The following PVT1 variants were observed in gnomAD, a reference collection of about 807,000 sequenced individuals.
The protein encoded by PVT1 is CXCR4/PVT1 fusion.
At chr8:128,058,493 G>A (rs1447736511) in intron 4 of PVT1, among the ~76,000 whole-genome samples, 2 of 151,996 alleles carry the variant, frequency 1.3e-5, no homozygotes, top group Admixed American at 1.3e-4. Flanking sequence ...ACATCATCAT[G>A]TGTACTTCTA....
intron 2 of PVT1, among the ~76,000 whole-genome samples, chr8:127,882,241 C>G (rs1225627354): frequency 6.6e-6 from 1 of 152,096 alleles, no homozygotes; most frequent in Non-Finnish European, 1.5e-5. Flanking sequence ...GCAGCTGATC[C>G]ATGTCATCCC....
chr8:127,815,557 T>G (rs1814650767), intron 2 of PVT1, among the ~76,000 whole-genome samples: 1 of 152,112 alleles, frequency 6.6e-6, no homozygotes, highest in Non-Finnish European at 1.5e-5. Context: ...GGCAGCTTGA[T>G]CAGGTAGATG....
At chr8:128,016,139 G>A (rs1046054454) in intron 4 of PVT1, among the ~76,000 whole-genome samples, 1 of 152,144 alleles carries the variant, frequency 6.6e-6, no homozygotes. Context: ...TTAGCCACGT[G>A]TGGTGGCACA....
chr8:128,007,627 T>C (rs1357692554), intron 4 of PVT1, among the ~76,000 whole-genome samples: 1 of 152,230 alleles, frequency 6.6e-6, no homozygotes, highest in African/African-American at 2.4e-5. Context: ...GGGTATGTAC[T>C]TCCTGTTAAC....
At chr8:127,895,315 A>G (rs1815661891) in intron 3 of PVT1, among the ~76,000 whole-genome samples, 1 of 152,154 alleles carries the variant, frequency 6.6e-6, no homozygotes, top group South Asian at 2.1e-4. Flanking sequence ...TACTAAAAAT[A>G]GAAAAATTAG....
At chr8:127,931,934 C>T (rs190760751) in intron 3 of PVT1, among the ~76,000 whole-genome samples, 19 of 152,376 alleles carry the variant, frequency 1.2e-4, no homozygotes, top group Admixed American at 3.3e-4. Flanking sequence ...CCTCGCTTGG[C>T]GCTGTGTGAC....
chr8:127,846,357 C>G (rs965670369), intron 2 of PVT1, among the ~76,000 whole-genome samples: 1 of 152,184 alleles, frequency 6.6e-6, no homozygotes, highest in African/African-American at 2.4e-5. Flanking sequence ...GGCACCTTTC[C>G]TGGTCTCCTC....
intron 5 of PVT1, among the ~76,000 whole-genome samples, chr8:128,093,691 G>A (rs748772864): frequency 9.2e-5 from 14 of 151,716 alleles, no homozygotes; most frequent in Admixed American, 1.3e-4. Context: ...AGGCTGGAGC[G>A]CTACAGCACA....
rs1412126157 is a variant in PVT1 at position 127,817,560 on chromosome 8, C to T, written n.372+21489C>T. On this transcript the variant is annotated intron_variant and non_coding_transcript_variant, in intron 2 of 10. Transcript: ENST00000651587. ...ATATATATATATACACACACACACA[C>T]ATATATATATATATTTCCCTAAGGG... is the stretch of plus-strand genomic sequence containing the variant. Among the ~76,000 whole-genome samples the T allele has an allele frequency of 5.9e-3, 509 of 85,614 alleles. 8 individuals are homozygous for T. The highest frequency in any genetic ancestry group is 0.017 in the African/African-American group (406 of 23,630). The allele number at this position is 85,614 out of a possible 152,430, so 56.2% of individuals were successfully genotyped here. A position where few individuals can be genotyped will look rare whatever the true frequency, so the allele number is the denominator to read the frequency against.
intron 3 of PVT1, among the ~76,000 whole-genome samples, chr8:127,921,485 C>A (rs943418802): frequency 7.2e-5 from 11 of 152,124 alleles, no homozygotes; most frequent in African/African-American, 1.9e-4. Flanking sequence ...TCATTCTGTA[C>A]ACAACTCAGC....
chr8:127,803,745 G>A (rs1814496577), intron 2 of PVT1, among the ~76,000 whole-genome samples: 1 of 150,142 alleles, frequency 6.7e-6, no homozygotes. Context: ...TTTTGAGACG[G>A]AATCTTGCTC....
chr8:128,062,290 C>T (rs1486100342), intron 4 of PVT1, among the ~76,000 whole-genome samples: 2 of 152,300 alleles, frequency 1.3e-5, no homozygotes, highest in South Asian at 2.1e-4. Context: ...TCATTTTCAT[C>T]TATGAGGAGG....
chr8:128,077,360 G>A (rs561389325), intron 5 of PVT1, among the ~76,000 whole-genome samples: 15 of 152,288 alleles, frequency 9.8e-5, no homozygotes, highest in South Asian at 8.3e-4. Flanking sequence ...TGCTGAGCTC[G>A]CTGGGGTAGG....
chr8:128,023,111 G>C (rs948554754), intron 4 of PVT1, among the ~76,000 whole-genome samples: 1 of 152,092 alleles, frequency 6.6e-6, no homozygotes, highest in Non-Finnish European at 1.5e-5. Context: ...CAGGTGATCT[G>C]CCTGCCTTGG....
chr8:128,032,864 G>A (rs1422703434), intron 4 of PVT1, among the ~76,000 whole-genome samples: 17 of 152,246 alleles, frequency 1.1e-4, no homozygotes, highest in Non-Finnish European at 2.5e-4. Flanking sequence ...TCCTAGGTGA[G>A]TAAGCCCTTT....
chr8:127,953,734 C>T (rs1437373787), intron 3 of PVT1, among the ~76,000 whole-genome samples: 3 of 152,216 alleles, frequency 2.0e-5, no homozygotes, highest in Admixed American at 6.5e-5. Context: ...CTCCCTACTC[C>T]AAGAAATCTG....
intron 4 of PVT1, among the ~76,000 whole-genome samples, chr8:128,069,988 C>T (rs1813964114): frequency 6.6e-6 from 1 of 152,142 alleles, no homozygotes; most frequent in Admixed American, 6.5e-5. Flanking sequence ...CCATTCCCTT[C>T]CCTCCTCCAT....
At chr8:128,099,441 C>CAGGAAA (rs917857049) in intron 6 of PVT1, 1 of 152,296 alleles carries the variant, frequency 6.6e-6, no homozygotes, top group African/African-American at 2.4e-5. Context: ...AAAACGGCAG[C>CAGGAAA]AGGAAATGTC....
intron 3 of PVT1, among the ~76,000 whole-genome samples, chr8:127,958,207 G>A (rs926015755): frequency 2.0e-5 from 3 of 151,976 alleles, no homozygotes; most frequent in African/African-American, 7.2e-5. Context: ...CATACTTTCT[G>A]TTTTTTTCTC....
Sources: allele counts gnomAD v4.1 joint callset (sites outside exome capture counted in the v4.1 genomes callset), GRCh38; gene constraint gnomAD v4.1.1; transcripts MANE v1.5; gene names NCBI Gene and HGNC (gene_info 2026-07-23, HGNC 2026-07-21).